Variants in TANC2 observed in about 807,000 individuals in gnomAD.
TANC2 encodes protein TANC2.
A neutral mutation model predicts 210.5 loss-of-function variants in TANC2; 26 were observed. The observed-to-expected ratio is 0.12, with a 90% confidence interval of 0.09 to 0.17. The LOEUF is 0.17. Ranked by LOEUF, TANC2 falls within the 10% of genes least tolerant of loss-of-function variation. The probability of loss-of-function intolerance (pLI) is 1.00; values close to 1 mark genes in which losing one functional copy is unlikely to be tolerated. For synonymous variants in TANC2, 931 were observed against 967.1 expected (o/e 0.96, Z 0.69); for missense variants, 2,129 against 2,608.9 (o/e 0.82, Z 4.01).
At chr17:62,998,499 G>A (rs1713691950) in intron 1 of TANC2, among the ~76,000 whole-genome samples, 1 of 152,178 alleles carries the variant, frequency 6.6e-6, no homozygotes, top group Admixed American at 6.5e-5. Flanking sequence ...GTTAAAGGCA[G>A]CTAGAAAGAA....
intron 14 of TANC2, among the ~76,000 whole-genome samples, chr17:63,366,569 A>C (rs1473475510): frequency 6.6e-6 from 1 of 152,172 alleles, no homozygotes; most frequent in East Asian, 1.9e-4. Flanking sequence ...AAAGATGACC[A>C]TTTTCCTAGA....
chr17:63,425,335 C>G (rs2049117776), exon 28 of TANC2: 1 of 152,120 alleles, frequency 6.6e-6, no homozygotes, highest in South Asian at 2.1e-4. Flanking sequence ...AAACACTTTT[C>G]CTAAATTATT....
chr17:63,424,229 A>G (rs2049092410), exon 28 of TANC2: 1 of 152,200 alleles, frequency 6.6e-6, no homozygotes, highest in African/African-American at 2.4e-5. Context: ...AGGGTCTCTC[A>G]GTTTTCCAGG....
chr17:63,412,753 G>A lies in TANC2; in HGVS notation c.3928+44G>A, dbSNP rs1436758561. On this transcript the variant is annotated intron_variant, in intron 24 of 27. Transcript: ENST00000689528. This position sits in a 1 kb window ranked among gnomAD's most constrained non-coding sequence, Gnocchi z 4.2. Reference sequence around the variant, plus strand: ...AGCATCAGGCGTGGTCTGATGGCTTGGTCAGCTTTGCCTTCTCCTCTTTGG... The same window carrying A: ...AGCATCAGGCGTGGTCTGATGGCTTAGTCAGCTTTGCCTTCTCCTCTTTGG... 2.0e-6 allele frequency: 3 copies of A among 1,533,940 alleles called. No individual in the cohort carries two copies. Among genetic ancestry groups the A allele is most frequent in the Non-Finnish European group, 2.6e-6 (3 of 1,146,340 alleles).
intron 4 of TANC2, among the ~76,000 whole-genome samples, chr17:63,107,489 T>C (rs2037872008): frequency 6.6e-6 from 1 of 151,732 alleles, no homozygotes; most frequent in Non-Finnish European, 1.5e-5. Context: ...TATAAAGTTA[T>C]CCAAGAGAAA....
intron 7 of TANC2, among the ~76,000 whole-genome samples, chr17:63,229,696 A>G (rs1376479733): frequency 6.6e-6 from 1 of 151,478 alleles, no homozygotes; most frequent in Admixed American, 6.6e-5. Flanking sequence ...GTGTCCAGGA[A>G]TTTATCCATT....
chr17:63,229,130 T>A (rs2197262), intron 7 of TANC2, among the ~76,000 whole-genome samples: 90,935 of 152,012 alleles, frequency 0.6, 29,699 homozygotes, highest in African/African-American at 0.86. Flanking sequence ...GAGAGTTTTC[T>A]ACATGAAGGG....
intron 7 of TANC2, 136 bp downstream of exon 7, chr17:63,201,093 G>A (rs1039208872): frequency 2.9e-6 from 2 of 698,550 alleles, no homozygotes; most frequent in Non-Finnish European, 4.5e-6. Flanking sequence ...TCTTTTTAAT[G>A]ATGCTGGAGA....
intron 4 of TANC2, among the ~76,000 whole-genome samples, chr17:63,121,412 A>G (rs2038470821): frequency 6.6e-6 from 1 of 152,050 alleles, no homozygotes; most frequent in Non-Finnish European, 1.5e-5. Flanking sequence ...GCATTCTCTT[A>G]GTCTTTGATA....
chr17:63,031,820 A>C (rs2034780885), intron 2 of TANC2, among the ~76,000 whole-genome samples: 1 of 152,186 alleles, frequency 6.6e-6, no homozygotes, highest in Non-Finnish European at 1.5e-5. Context: ...AAGTATTGTG[A>C]TGAACCTTCT....
chr17:63,379,619 A>C (rs2047540670), intron 14 of TANC2, 99 bp from the exon 15 acceptor site: 1 of 872,450 alleles, frequency 1.1e-6, no homozygotes, highest in African/African-American at 1.7e-5. Flanking sequence ...CAGTGAGCCG[A>C]GATTGCGCCA....
Position 63,351,252 on chromosome 17 carries a change from A to G in TANC2, c.1810A>G (p.Arg604Gly), listed in dbSNP as rs1029844516. ...TAATGTGTTTCTTTCTATCTCAGAG[A>G]GAAAAATCCCAGATGAAGATTTCAT... is the stretch of plus-strand genomic sequence containing the variant. The change falls in exon 13 of 28, where the codon AGA (arginine) becomes GGA (glycine). Residue 604 changes from arginine to glycine, a missense_variant and splice_region_variant. Around this residue, in one of 5 missense-constraint regions of TANC2, gnomAD observed 739 missense variants for 848.0 expected, o/e 0.87. Coordinates refer to ENST00000689528, the Ensembl canonical transcript of TANC2. 1 of 1,602,486 alleles carries G rather than the reference A, an allele frequency of 6.2e-7. No individual in the cohort carries two copies. Among genetic ancestry groups the G allele is most frequent in the Admixed American group, 1.7e-5 (1 of 57,640 alleles).
chr17:63,112,140 G>A (rs1278767046), intron 4 of TANC2, among the ~76,000 whole-genome samples: 2 of 152,198 alleles, frequency 1.3e-5, no homozygotes, highest in Admixed American at 6.5e-5. Context: ...TAAATCTGAA[G>A]TGTTGAATTG....
intron 7 of TANC2, among the ~76,000 whole-genome samples, chr17:63,207,758 T>G (rs1480402225): frequency 6.6e-6 from 1 of 152,194 alleles, no homozygotes; most frequent in Non-Finnish European, 1.5e-5. Context: ...GAAGTGAAAT[T>G]GTCAGATTAT....
intron 4 of TANC2, among the ~76,000 whole-genome samples, chr17:63,140,900 C>G (rs2039265156): frequency 6.6e-6 from 1 of 151,936 alleles, no homozygotes; most frequent in Admixed American, 6.6e-5. Flanking sequence ...GCCCTCACCA[C>G]CACTACACCT....
At chr17:63,100,179 A>G (rs2037568209) in intron 4 of TANC2, among the ~76,000 whole-genome samples, 1 of 152,152 alleles carries the variant, frequency 6.6e-6, no homozygotes, top group African/African-American at 2.4e-5. Flanking sequence ...CCTGTCTGAC[A>G]TTGAGCTAGA....
chr17:63,009,743 T>G lies in TANC2; in HGVS notation c.67+117T>G, dbSNP rs2033782794. 4.8e-6 allele frequency: 4 copies of G among 835,282 alleles called. No homozygotes were observed. In the Admixed American group the frequency reaches 7.4e-5, roughly 15 times the overall value. The allele number at this position is 835,282 out of a possible 1,614,324, so 51.7% of individuals were successfully genotyped here. Reference sequence around the variant, plus strand: ...GCTTAACTTAGAACTTAAAAGAAAGTTTACATTTCTTTGGGCTTTCATACG... The same window carrying G: ...GCTTAACTTAGAACTTAAAAGAAAGGTTACATTTCTTTGGGCTTTCATACG... On this transcript the variant is annotated intron_variant, in intron 2 of 27. Coordinates refer to ENST00000689528, the Ensembl canonical transcript of TANC2.
At chr17:63,129,917 G>C (rs1018142943) in intron 4 of TANC2, among the ~76,000 whole-genome samples, 7 of 151,702 alleles carry the variant, frequency 4.6e-5, no homozygotes, top group Non-Finnish European at 8.8e-5. Flanking sequence ...AACTTTTATA[G>C]AAGTATGTGA....
intron 8 of TANC2, among the ~76,000 whole-genome samples, chr17:63,239,614 A>G (rs1427534387): frequency 2.0e-5 from 3 of 152,192 alleles, no homozygotes; most frequent in Admixed American, 2.0e-4. Context: ...AAGATTATTC[A>G]CTTTTATATA....
Sources: gnomAD v4.1 joint callset for allele counts (sites outside exome capture counted in the v4.1 genomes callset) on GRCh38, gnomAD v4.1.1 for gene constraint, gnomAD v4.1.1 regional missense constraint, Gnocchi (gnomAD v3.1) non-coding constraint, MANE v1.5 for transcripts, NCBI Gene and HGNC (gene_info 2026-07-23, HGNC 2026-07-21) for gene names.